TEAD1: variants seen among roughly 807,000 people sequenced by gnomAD.
The protein encoded by TEAD1 is TEA domain transcription factor 1, also known as transcriptional enhancer factor TEF-1.
TEAD1 carries 9 observed loss-of-function variants against 54.9 expected under a neutral mutation model. The observed-to-expected ratio is 0.16, with a 90% CI of 0.10 to 0.29. TEAD1 has a LOEUF of 0.29. TEAD1 is among the 10% of genes least tolerant of loss of function. The probability of loss-of-function intolerance (pLI) is 1.00; values close to 1 mark genes in which losing one functional copy is unlikely to be tolerated. For missense variants in TEAD1, 387 were observed against 535.9 expected (o/e 0.72, Z 2.74); for synonymous variants, 200 against 187.8 (o/e 1.07, Z -0.53).
At chr11:12,799,871 A>G (rs1946013793) in intron 3 of TEAD1, among the ~76,000 whole-genome samples, 1 of 152,184 alleles carries the variant, frequency 6.6e-6, no homozygotes, top group South Asian at 2.1e-4. Flanking sequence ...CCAAGCCTGT[A>G]TGGTAGAAGA....
chr11:12,805,535 C>G (rs1241816663), intron 3 of TEAD1, among the ~76,000 whole-genome samples: 1 of 152,162 alleles, frequency 6.6e-6, no homozygotes, highest in Non-Finnish European at 1.5e-5. Flanking sequence ...AAAATGATCT[C>G]TGATGTAGAA....
Position 12,811,778 on chromosome 11 carries a change from C to T in TEAD1, c.202+47344C>T, listed in dbSNP as rs578012531. On this transcript the variant is annotated intron_variant, in intron 3 of 12. Coordinates refer to ENST00000527636, the MANE Select transcript of TEAD1 (RefSeq NM_021961.6). ...GGTCTTGCCCACAGTGGAGTGGCCC[C>T]GAATCCACTGAGGATCCCGGGATGG... Among the ~76,000 whole-genome samples the T allele has an allele frequency of 3.0e-5, 4 of 134,382 alleles. No individual in the cohort carries two copies. The South Asian group carries it at 7.4e-4, about 25-fold the overall frequency. The allele number at this position is 134,382 out of a possible 152,430, so 88.2% of individuals were successfully genotyped here. A position where few individuals can be genotyped will look rare whatever the true frequency, so the allele number is the denominator to read the frequency against.
intron 2 of TEAD1, among the ~76,000 whole-genome samples, chr11:12,752,233 T>TTTTTC (rs60627535): frequency 1.5e-5 from 2 of 137,462 alleles, no homozygotes; most frequent in African/African-American, 5.5e-5. Context: ...TTTTTTTTTT[T>TTTTTC]CATTTCTTTC....
At chr11:12,869,336 G>A (rs1043374975) in intron 5 of TEAD1, among the ~76,000 whole-genome samples, 1 of 152,114 alleles carries the variant, frequency 6.6e-6, no homozygotes, top group Non-Finnish European at 1.5e-5. Context: ...CACCCCCTGG[G>A]GCTGCTCCGT....
intron 2 of TEAD1, among the ~76,000 whole-genome samples, chr11:12,735,313 G>C (rs1343696983): frequency 6.6e-6 from 1 of 151,710 alleles, no homozygotes; most frequent in Non-Finnish European, 1.5e-5. Flanking sequence ...TCTGAGTCTC[G>C]TCTGAATAAG....
chr11:12,704,664 A>G (rs564183043), intron 2 of TEAD1, among the ~76,000 whole-genome samples: 8 of 152,170 alleles, frequency 5.3e-5, no homozygotes, highest in East Asian at 1.9e-4. Context: ...GATTTACCCT[A>G]TTGTCTCTCT....
intron 3 of TEAD1, among the ~76,000 whole-genome samples, chr11:12,829,604 T>C (rs1946730631): frequency 6.6e-6 from 1 of 152,084 alleles, no homozygotes; most frequent in African/African-American, 2.4e-5. Context: ...CTAAACATTT[T>C]TCTTCCTTTA....
chr11:12,852,698 T>C (rs1242500552), intron 3 of TEAD1, among the ~76,000 whole-genome samples: 6 of 152,144 alleles, frequency 3.9e-5, no homozygotes. Context: ...CCCACCCGCC[T>C]TGGCCTCCCA....
At chr11:12,866,827 G>C (rs1947627748) in intron 5 of TEAD1, among the ~76,000 whole-genome samples, 1 of 152,176 alleles carries the variant, frequency 6.6e-6, no homozygotes. Context: ...CATGGTGCTT[G>C]CTCACTGTGA....
At chr11:12,931,976 G>T (rs1949019839) in intron 12 of TEAD1, among the ~76,000 whole-genome samples, 1 of 152,178 alleles carries the variant, frequency 6.6e-6, no homozygotes, top group African/African-American at 2.4e-5. Context: ...ACCCACTGCT[G>T]TAAGAGATTG....
rs1262693371 is a variant in TEAD1, at chr11:12,797,232, GT to G, written c.202+32799del. Among the ~76,000 whole-genome samples the G allele has an allele frequency of 2.0e-5, 3 of 152,220 alleles. No homozygotes were observed. In the East Asian group the frequency reaches 5.8e-4, roughly 29 times the overall value. On this transcript the variant is annotated intron_variant, in intron 3 of 12. Transcript: ENST00000527636. ...TTCAACATAGACTTGAAGAAGGATG[GT>G]GATTGTGTTCAGACCATCTTGCCCT... is the stretch of plus-strand genomic sequence containing the variant.
intron 3 of TEAD1, among the ~76,000 whole-genome samples, chr11:12,785,162 C>T (rs571808431): frequency 8.5e-5 from 13 of 152,292 alleles, no homozygotes; most frequent in Middle Eastern, 3.4e-3. Context: ...CCGTGGGGAA[C>T]GTGTGGGCCT....
chr11:12,839,024 A>G (rs1290841639), intron 3 of TEAD1, among the ~76,000 whole-genome samples: 2 of 152,232 alleles, frequency 1.3e-5, no homozygotes, highest in African/African-American at 2.4e-5. Context: ...GTTAGGACAG[A>G]ACTCTGAGCA....
At chr11:12,753,442 C>T (rs1944918523) in intron 2 of TEAD1, among the ~76,000 whole-genome samples, 1 of 152,138 alleles carries the variant, frequency 6.6e-6, no homozygotes, top group Non-Finnish European at 1.5e-5. Flanking sequence ...GTATTAGTCT[C>T]TTTACTGTAG....
At position 12,883,029 on chromosome 11, in the gene TEAD1, C is replaced by T. The variant is rs2134099362; in HGVS notation, c.603C>T (p.Pro201=). 5 of 1,614,220 alleles carry T rather than the reference C, an allele frequency of 3.1e-6. 1 individual carries two copies. In the South Asian group the frequency reaches 4.4e-5, roughly 14 times the overall value. The change falls in exon 9 of 13, where the codon CCC becomes CCT. Residue 201 remains proline (P), a synonymous_variant. Coordinates refer to ENST00000527636, the MANE Select transcript of TEAD1 (RefSeq NM_021961.6). Reference sequence around the variant, plus strand: ...TTGAGCCTGCATCGGCCCCAGCTCCCTCAGTCCCTGCCTGGCAAGGTCGCT... The same window carrying T: ...TTGAGCCTGCATCGGCCCCAGCTCCTTCAGTCCCTGCCTGGCAAGGTCGCT...
chr11:12,778,443 A>G, intron 3 of TEAD1, among the ~76,000 whole-genome samples: 1 of 151,852 alleles, frequency 6.6e-6, no homozygotes, highest in Non-Finnish European at 1.5e-5. Context: ...GCCTTCCTTA[A>G]TCTCCACAGG....
intron 2 of TEAD1, among the ~76,000 whole-genome samples, chr11:12,716,715 G>A (rs981867943): frequency 2.0e-5 from 3 of 152,220 alleles, no homozygotes; most frequent in African/African-American, 4.8e-5. Context: ...ATGGACACAT[G>A]TGAACTCCAT....
intron 3 of TEAD1, among the ~76,000 whole-genome samples, chr11:12,830,423 C>T (rs140420400): frequency 1.7e-3 from 255 of 152,222 alleles, no homozygotes; most frequent in African/African-American, 5.9e-3. Flanking sequence ...GAGTCTTGGC[C>T]TCTCCTACCA....
chr11:12,878,567 C>T (rs1947903272), intron 5 of TEAD1, among the ~76,000 whole-genome samples: 1 of 152,128 alleles, frequency 6.6e-6, no homozygotes, highest in Admixed American at 6.5e-5. Flanking sequence ...CTGTCTCATA[C>T]CAGGAGGCTA....
Sources: allele counts gnomAD v4.1 joint callset (sites outside exome capture counted in the v4.1 genomes callset), GRCh38; gene constraint gnomAD v4.1.1; transcripts MANE v1.5; gene names NCBI Gene and HGNC (gene_info 2026-07-23, HGNC 2026-07-21).